The following CAMTA1 variants were observed in gnomAD, a reference collection of about 807,000 sequenced individuals.
CAMTA1 encodes the protein calmodulin binding transcription activator 1, also known as calmodulin-binding transcription activator 1.
Under a neutral mutation model 170.9 loss-of-function variants are expected in CAMTA1, and 27 were observed. The ratio of observed to expected loss-of-function variants is 0.16; its 90% CI spans 0.12 to 0.22. CAMTA1 has a LOEUF of 0.22. CAMTA1 is among the 10% of genes least tolerant of loss of function. CAMTA1 has a pLI of 1.00. For missense variants in CAMTA1, 1,619 were observed against 2,217.2 expected (o/e 0.73, Z 5.42); for synonymous variants, 833 against 891.5 (o/e 0.93, Z 1.17).
At chr1:7,745,073 T>C in intron 17 of CAMTA1, 51 bp downstream of exon 17, 1 of 1,511,038 alleles carries the variant, frequency 6.6e-7, no homozygotes, top group African/African-American at 1.4e-5. Context: ...CGGATGTAAT[T>C]GGAGGCAGGG....
chr1:6,802,631 A>G (rs1351457146), intron 1 of CAMTA1, among the ~76,000 whole-genome samples: 3 of 152,246 alleles, frequency 2.0e-5, no homozygotes, highest in African/African-American at 7.2e-5. Flanking sequence ...CAGTGTAGCT[A>G]CAGATAGAAG....
intron 3 of CAMTA1, among the ~76,000 whole-genome samples, chr1:6,910,949 C>T (rs987167583): frequency 2.0e-5 from 3 of 152,122 alleles, no homozygotes; most frequent in African/African-American, 7.2e-5. Context: ...AGTGGACTTG[C>T]CAGGGAGCTG....
At chr1:7,036,067 A>G (rs552124495) in intron 3 of CAMTA1, among the ~76,000 whole-genome samples, 8 of 152,366 alleles carry the variant, frequency 5.3e-5, no homozygotes, top group South Asian at 2.1e-4. Context: ...AATAAAAACT[A>G]AATGGAAGAT....
intron 5 of CAMTA1, among the ~76,000 whole-genome samples, chr1:7,397,366 T>C (rs749242078): frequency 1.3e-5 from 2 of 152,234 alleles, no homozygotes; most frequent in African/African-American, 4.8e-5. Flanking sequence ...TTTTTTAAAT[T>C]TGAGTTTTCT....
At chr1:7,244,821 A>G (rs1251757705) in intron 4 of CAMTA1, among the ~76,000 whole-genome samples, 1 of 152,178 alleles carries the variant, frequency 6.6e-6, no homozygotes, top group Non-Finnish European at 1.5e-5. Context: ...GCAGCACACC[A>G]ACATGGCACA....
At chr1:6,888,132 C>G in intron 3 of CAMTA1, 4 of 976,772 alleles carry the variant, frequency 4.1e-6, no homozygotes, top group Non-Finnish European at 5.0e-6. Context: ...TTTGTCTTGT[C>G]CCCTTGTATC....
At chr1:7,563,273 A>G (rs1254341112) in intron 6 of CAMTA1, among the ~76,000 whole-genome samples, 3 of 152,172 alleles carry the variant, frequency 2.0e-5, no homozygotes, top group African/African-American at 7.2e-5. Context: ...CAGCTGCTAG[A>G]AGCGAACCTG....
chr1:7,633,675 C>T lies in CAMTA1; in HGVS notation c.511-6725C>T, dbSNP rs1165212302. Among the ~76,000 whole-genome samples, 3 of 152,232 alleles carry T rather than the reference C, an allele frequency of 2.0e-5. No homozygotes were observed. Among genetic ancestry groups the T allele is most frequent in the African/African-American group, 7.2e-5 (3 of 41,458 alleles). ...GTGCTGGAGCAGCTTGGCGGCACCC[C>T]GCTATGCCCCCGGTTTTCAGTAAGT... On this transcript the variant is annotated intron_variant, in intron 6 of 22. Transcript: ENST00000303635. The surrounding 1 kb of genome is among the most constrained non-coding windows in gnomAD (Gnocchi z 4.1).
intron 1 of CAMTA1, among the ~76,000 whole-genome samples, chr1:6,795,130 T>C (rs917263590): frequency 6.6e-6 from 1 of 152,182 alleles, no homozygotes; most frequent in African/African-American, 2.4e-5. Context: ...GTCCTACTTA[T>C]TTAGAGACAC....
At chr1:7,217,294 A>G (rs1456111143) in intron 4 of CAMTA1, among the ~76,000 whole-genome samples, 2 of 152,176 alleles carry the variant, frequency 1.3e-5, no homozygotes, top group East Asian at 3.9e-4. Context: ...CATGATTGTA[A>G]GTTTCCTGAG....
At chr1:7,744,174 C>T (rs2096840294) in intron 16 of CAMTA1, among the ~76,000 whole-genome samples, 1 of 135,434 alleles carries the variant, frequency 7.4e-6, no homozygotes, top group Admixed American at 8.6e-5. Flanking sequence ...CGCTGTCGCC[C>T]AGGCTGGAGT....
chr1:7,636,503 G>C (rs772580391), intron 6 of CAMTA1, among the ~76,000 whole-genome samples: 10 of 152,142 alleles, frequency 6.6e-5, no homozygotes, highest in Non-Finnish European at 8.8e-5. Flanking sequence ...GATCACCTGA[G>C]GTCAGGAGTT....
chr1:7,722,414 G>A (rs1577188907), intron 11 of CAMTA1, among the ~76,000 whole-genome samples: 1 of 152,124 alleles, frequency 6.6e-6, no homozygotes, highest in South Asian at 2.1e-4. Context: ...GGATGGGGTC[G>A]ACCCAGCAAA....
chr1:7,632,323 A>G (rs2148868305), intron 6 of CAMTA1, among the ~76,000 whole-genome samples: 2 of 152,294 alleles, frequency 1.3e-5, no homozygotes, highest in South Asian at 2.1e-4. Context: ...CCCAGCGGCA[A>G]GTGGGGAGGT....
chr1:7,727,813 C>G (rs953656433), intron 11 of CAMTA1, among the ~76,000 whole-genome samples: 9 of 152,190 alleles, frequency 5.9e-5, no homozygotes, highest in Non-Finnish European at 1.0e-4. Flanking sequence ...GATGTAAAGA[C>G]CATCATTTTA....
At chr1:7,028,554 C>T (rs761922978) in intron 3 of CAMTA1, among the ~76,000 whole-genome samples, 2 of 152,158 alleles carry the variant, frequency 1.3e-5, no homozygotes, top group African/African-American at 2.4e-5. Flanking sequence ...AATCCGAGAC[C>T]TGCTTTCATG....
intron 5 of CAMTA1, among the ~76,000 whole-genome samples, chr1:7,313,036 T>G (rs1428642143): frequency 1.3e-5 from 2 of 152,236 alleles, no homozygotes; most frequent in African/African-American, 4.8e-5. Flanking sequence ...GTTCCTTTCT[T>G]GTGATTCCTG....
At chr1:7,529,653 T>C (rs1051025498) in intron 6 of CAMTA1, among the ~76,000 whole-genome samples, 1 of 152,176 alleles carries the variant, frequency 6.6e-6, no homozygotes, top group Non-Finnish European at 1.5e-5. Flanking sequence ...CATTCACTTA[T>C]GGGCCCCACT....
intron 10 of CAMTA1, among the ~76,000 whole-genome samples, chr1:7,672,360 C>G (rs1269157045): frequency 2.0e-5 from 3 of 152,212 alleles, no homozygotes; most frequent in Non-Finnish European, 4.4e-5. Flanking sequence ...TGCCCCCAGG[C>G]TGGGCCAGCT....
Sources: gnomAD v4.1 joint callset for allele counts (sites outside exome capture counted in the v4.1 genomes callset) on GRCh38, gnomAD v4.1.1 for gene constraint, Gnocchi (gnomAD v3.1) non-coding constraint, MANE v1.5 for transcripts, NCBI Gene and HGNC (gene_info 2026-07-23, HGNC 2026-07-21) for gene names.